UBASH3B: variants seen among roughly 807,000 people sequenced by gnomAD.
UBASH3B encodes the protein ubiquitin associated and SH3 domain containing B.
Under a neutral mutation model 83.4 loss-of-function variants are expected in UBASH3B, and 37 were observed. The ratio of observed to expected loss-of-function variants is 0.44; its 90% CI spans 0.34 to 0.58. The LOEUF (loss-of-function observed/expected upper bound fraction) is 0.58, where lower values mean the gene tolerates loss of function less well. UBASH3B is among the 20% of genes least tolerant of loss of function. The probability of loss-of-function intolerance (pLI) is 0.01; values close to 1 mark genes in which losing one functional copy is unlikely to be tolerated. For missense variants in UBASH3B, 657 were observed against 827.2 expected, an observed-to-expected ratio of 0.79 and a Z score of 2.52; for synonymous variants, 304 against 318.3, an observed-to-expected ratio of 0.96 and a Z score of 0.48.
rs999257594 is a variant in UBASH3B at position 122,800,743 on chromosome 11, G to A, written c.1451-445G>A. On this transcript the variant is annotated intron_variant, in intron 10 of 13. Transcript: ENST00000284273. ...CCTGCCTCAGCCTCCTGAGTGCTGG[G>A]ACCACAAGTGCACGCCTCCACACCC... Among the ~76,000 whole-genome samples the A allele has an allele frequency of 1.4e-4, 21 of 151,854 alleles. 2 individuals are homozygous for A. The highest frequency in any genetic ancestry group is 1.4e-3 in the Admixed American group (21 of 15,246).
chr11:122,776,290 A>C lies in UBASH3B; in HGVS notation c.215+18A>C, dbSNP rs1269534169. On this transcript the variant is annotated intron_variant, in intron 2 of 13. Coordinates refer to ENST00000284273, the MANE Select transcript of UBASH3B (RefSeq NM_032873.5). ...TGTGACTGGTTGGTATGAGATAAAT[A>C]AATTGAGAAAATAGCATATAATTAA... 12 of 1,596,530 alleles carry C rather than the reference A, an allele frequency of 7.5e-6. No individual in the cohort carries two copies. Among genetic ancestry groups the C allele is most frequent in the Non-Finnish European group, 1.0e-5 (12 of 1,172,504 alleles).
At chr11:122,793,412 A>T (rs186515234) in intron 6 of UBASH3B, among the ~76,000 whole-genome samples, 7 of 152,292 alleles carry the variant, frequency 4.6e-5, no homozygotes, top group Admixed American at 6.5e-5. Context: ...TGATAATACA[A>T]TGTTAAAAGT....
chr11:122,756,902 T>A (rs1861291184), intron 1 of UBASH3B, among the ~76,000 whole-genome samples: 1 of 152,200 alleles, frequency 6.6e-6, no homozygotes, highest in South Asian at 2.1e-4. Context: ...AGAGCACAAT[T>A]TGGGGAGTTA....
chr11:122,797,235 T>C, intron 9 of UBASH3B: 1 of 582,434 alleles, frequency 1.7e-6, no homozygotes, highest in Non-Finnish European at 2.9e-6. Context: ...GTGAATGAGG[T>C]GTGGTCCTTA....
intron 1 of UBASH3B, among the ~76,000 whole-genome samples, chr11:122,736,084 G>A (rs1860927605): frequency 6.6e-6 from 1 of 152,190 alleles, no homozygotes; most frequent in Admixed American, 6.5e-5. Context: ...GACAGTGGAG[G>A]TTCAGAAAGG....
intron 1 of UBASH3B, among the ~76,000 whole-genome samples, chr11:122,689,767 C>G (rs1225888528): frequency 6.6e-6 from 1 of 152,282 alleles, no homozygotes. Flanking sequence ...TTGGGAGTTA[C>G]CACAACCCCC....
intron 1 of UBASH3B, among the ~76,000 whole-genome samples, chr11:122,763,873 A>G (rs1207165847): frequency 1.3e-5 from 2 of 152,180 alleles, no homozygotes; most frequent in African/African-American, 4.8e-5. Flanking sequence ...TCATGGGGAG[A>G]AGGCTAGGGG....
chr11:122,759,477 TA>T lies in UBASH3B; in HGVS notation c.162-16740del, dbSNP rs901748354. Among the ~76,000 whole-genome samples the T allele has an allele frequency of 6.6e-6, 1 of 152,184 alleles. No individual in the cohort carries two copies. The highest frequency in any genetic ancestry group is 2.4e-5 in the African/African-American group (1 of 41,454). ...CTTTATTCCTATTATTATTACATTGTAATATATAATGAAATAGTGATACAAC... is the reference window on the plus strand; with the variant it reads ...CTTTATTCCTATTATTATTACATTGTATATATAATGAAATAGTGATACAAC... On this transcript the variant is annotated intron_variant, in intron 1 of 13. Coordinates refer to ENST00000284273, the MANE Select transcript of UBASH3B (RefSeq NM_032873.5). The surrounding 1 kb of genome is among the most constrained non-coding windows in gnomAD (Gnocchi z 4.1).
At chr11:122,775,647 T>G (rs1217232602) in intron 1 of UBASH3B, 1 of 152,348 alleles carries the variant, frequency 6.6e-6, no homozygotes, top group Non-Finnish European at 1.5e-5. Context: ...GGCGTGCACC[T>G]GTAGTCCCAG....
At chr11:122,728,242 C>T (rs530301274) in intron 1 of UBASH3B, among the ~76,000 whole-genome samples, 31 of 152,278 alleles carry the variant, frequency 2.0e-4, no homozygotes, top group African/African-American at 6.5e-4. Context: ...AATATTTAGC[C>T]GTCCACGTCA....
chr11:122,715,899 G>A (rs1235921229), intron 1 of UBASH3B, among the ~76,000 whole-genome samples: 1 of 152,210 alleles, frequency 6.6e-6, no homozygotes, highest in Non-Finnish European at 1.5e-5. Context: ...GAGGGTCATG[G>A]TGTTCAACCC....
chr11:122,690,184 A>ATATATATATATATCCAAT, intron 1 of UBASH3B, among the ~76,000 whole-genome samples: 2 of 21,206 alleles, frequency 9.4e-5, no homozygotes, highest in African/African-American at 3.2e-4. Context: ...ATATATATAT[A>ATATATATATATATCCAAT]TATATATATA....
intron 1 of UBASH3B, among the ~76,000 whole-genome samples, chr11:122,674,072 A>G (rs767561187): frequency 6.6e-6 from 1 of 152,176 alleles, no homozygotes; most frequent in Non-Finnish European, 1.5e-5. Flanking sequence ...ATGAGCTGCC[A>G]CCTTGGTGCT....
intron 5 of UBASH3B, among the ~76,000 whole-genome samples, chr11:122,786,229 T>G (rs894355868): frequency 2.0e-5 from 3 of 151,982 alleles, no homozygotes; most frequent in Admixed American, 6.5e-5. Context: ...TTTTGTATTT[T>G]TAGTAGAGAC....
chr11:122,738,314 A>G (rs921794273), intron 1 of UBASH3B, among the ~76,000 whole-genome samples: 3 of 152,210 alleles, frequency 2.0e-5, no homozygotes, highest in African/African-American at 7.2e-5. Context: ...GGACTTTGTT[A>G]GTGGGGAAGT....
At chr11:122,781,085 C>A (rs1860844172) in intron 4 of UBASH3B, among the ~76,000 whole-genome samples, 1 of 152,106 alleles carries the variant, frequency 6.6e-6, no homozygotes, top group African/African-American at 2.4e-5. Context: ...AGTATCACTG[C>A]AGGATCACAG....
chr11:122,693,009 G>A (rs1863915297), intron 1 of UBASH3B, among the ~76,000 whole-genome samples: 1 of 152,170 alleles, frequency 6.6e-6, no homozygotes, highest in African/African-American at 2.4e-5. Context: ...GTTTTGGGAT[G>A]GGCAGTGGAG....
At chr11:122,744,260 G>A (rs1861074607) in intron 1 of UBASH3B, among the ~76,000 whole-genome samples, 1 of 152,170 alleles carries the variant, frequency 6.6e-6, no homozygotes, top group African/African-American at 2.4e-5. Context: ...GTGAGTTTGT[G>A]CTGTGTGAGC....
intron 5 of UBASH3B, among the ~76,000 whole-genome samples, chr11:122,785,945 T>G (rs377556155): frequency 2.0e-5 from 3 of 152,246 alleles, no homozygotes; most frequent in African/African-American, 7.2e-5. Context: ...CACTCAGGGC[T>G]GTGGCTGCAT....
Sources: gnomAD v4.1 joint callset for allele counts (sites outside exome capture counted in the v4.1 genomes callset) on GRCh38, gnomAD v4.1.1 for gene constraint, Gnocchi (gnomAD v3.1) non-coding constraint, MANE v1.5 for transcripts, NCBI Gene and HGNC (gene_info 2026-07-23, HGNC 2026-07-21) for gene names.